Variants in ARMC9 observed in about 807,000 individuals in gnomAD.
The protein encoded by ARMC9 is lisH domain-containing protein ARMC9.
A neutral mutation model predicts 107.0 loss-of-function variants in ARMC9; 94 were observed. That is an observed-to-expected ratio of 0.88 (90% CI 0.74 to 1.04). The LOEUF (loss-of-function observed/expected upper bound fraction) is 1.04, where lower values mean the gene tolerates loss of function less well. ARMC9 is among the 50% of genes least tolerant of loss of function. The pLI, the probability that ARMC9 is intolerant of heterozygous loss-of-function variation, is 0.00. For synonymous variants in ARMC9, 380 were observed against 396.9 expected, an observed-to-expected ratio of 0.96 and a Z score of 0.51; for missense variants, 942 against 1,030.1, an observed-to-expected ratio of 0.91 and a Z score of 1.17.
intron 5 of ARMC9, among the ~76,000 whole-genome samples, chr2:231,220,336 G>C (rs62197333): frequency 0.31 from 47,743 of 151,718 alleles, 8,380 homozygotes; most frequent in African/African-American, 0.47. Context: ...GTGGCTTACA[G>C]CTCTAATCCT....
chr2:231,305,695 G>A (rs1054451112), intron 19 of ARMC9, among the ~76,000 whole-genome samples: 1 of 152,142 alleles, frequency 6.6e-6, no homozygotes, highest in Non-Finnish European at 1.5e-5. Flanking sequence ...TACCCTGCAA[G>A]GTTCTTTACT....
chr2:231,304,123 C>T (rs575146829), intron 19 of ARMC9, among the ~76,000 whole-genome samples: 17 of 151,750 alleles, frequency 1.1e-4, no homozygotes, highest in Non-Finnish European at 2.2e-4. Context: ...CCAGCTACTC[C>T]GGAGACAAAG....
intron 20 of ARMC9, among the ~76,000 whole-genome samples, chr2:231,333,667 G>A (rs1183498922): frequency 3.9e-5 from 6 of 152,140 alleles, no homozygotes; most frequent in Admixed American, 6.5e-5. Context: ...ACAGGCAGGC[G>A]GTGAGGAAAA....
At chr2:231,237,753 G>GTGTA (rs1553601875) in intron 8 of ARMC9, among the ~76,000 whole-genome samples, 5 of 24,428 alleles carry the variant, frequency 2.0e-4, no homozygotes, top group African/African-American at 4.1e-4. Context: ...TTGGCTATAT[G>GTGTA]TATATATATA....
At chr2:231,287,838 AT>A (rs2040712238) in intron 17 of ARMC9, among the ~76,000 whole-genome samples, 2 of 152,220 alleles carry the variant, frequency 1.3e-5, no homozygotes, top group Admixed American at 6.5e-5. Context: ...ATGAGCAAAG[AT>A]GTATGTATCA....
chr2:231,225,522 G>A (rs767784070), intron 6 of ARMC9, among the ~76,000 whole-genome samples: 10 of 152,148 alleles, frequency 6.6e-5, no homozygotes, highest in Non-Finnish European at 8.8e-5. Flanking sequence ...ATGGAATATC[G>A]TTTGATATCA....
intron 16 of ARMC9, among the ~76,000 whole-genome samples, chr2:231,280,963 A>G (rs2040173771): frequency 6.6e-6 from 1 of 152,204 alleles, no homozygotes; most frequent in South Asian, 2.1e-4. Flanking sequence ...TGAAAGTGCT[A>G]ATGAAGTCCA....
At chr2:231,265,875 G>T (rs2038812583) in intron 12 of ARMC9, among the ~76,000 whole-genome samples, 1 of 151,954 alleles carries the variant, frequency 6.6e-6, no homozygotes, top group South Asian at 2.1e-4. Flanking sequence ...ATGTATGGTG[G>T]TGTGCACCTG....
intron 7 of ARMC9, among the ~76,000 whole-genome samples, chr2:231,228,366 G>T (rs2125344334): frequency 6.6e-6 from 1 of 152,348 alleles, no homozygotes; most frequent in South Asian, 2.1e-4. Flanking sequence ...GTGCAGTCAG[G>T]CGGAGCGGCC....
At chr2:231,222,146 C>A (rs2034208150) in intron 5 of ARMC9, among the ~76,000 whole-genome samples, 1 of 152,070 alleles carries the variant, frequency 6.6e-6, no homozygotes, top group Admixed American at 6.6e-5. Context: ...TATGTTTTTT[C>A]TTATTTAAGT....
At chr2:231,331,185 TG>T (rs1264775837) in intron 19 of ARMC9, among the ~76,000 whole-genome samples, 1 of 152,146 alleles carries the variant, frequency 6.6e-6, no homozygotes, top group Non-Finnish European at 1.5e-5. Context: ...CTGTCATCCT[TG>T]GGTCTCAAGG....
chr2:231,350,539 T>G (rs1319757861), intron 21 of ARMC9, among the ~76,000 whole-genome samples: 1 of 151,178 alleles, frequency 6.6e-6, no homozygotes, highest in African/African-American at 2.4e-5. Context: ...GGAGCATTGC[T>G]TCAGTCCCAG....
rs2046171320 is a variant in ARMC9 at position 231,375,534 on chromosome 2, C to G, written c.*3999C>G. The stretch of plus-strand genomic sequence containing the variant: ...GTGGTATACCCTCTCCATTTAGATT[C>G]AATTGAACAAATATATTCTTTGGGG... On this transcript the variant is annotated 3_prime_UTR_variant, in exon 25 of 25. Transcript: ENST00000611582. The surrounding 1 kb of genome is among the most constrained non-coding windows in gnomAD (Gnocchi z 4.3). Among the ~76,000 whole-genome samples, 2 of 152,182 alleles carry G rather than the reference C, an allele frequency of 1.3e-5. No homozygotes were observed. The highest frequency in any genetic ancestry group is 2.9e-5 in the Non-Finnish European group (2 of 68,040).
chr2:231,222,655 A>G, intron 5 of ARMC9, 73 bp from the exon 6 acceptor site: 1 of 837,242 alleles, frequency 1.2e-6, no homozygotes, highest in Non-Finnish European at 1.9e-6. Context: ...TTTTAGCCTA[A>G]TGACCTCAAC....
At position 231,336,359 on chromosome 2, in the gene ARMC9, T is replaced by G. The variant is rs546084362; in HGVS notation, c.1878+4462T>G. On this transcript the variant is annotated intron_variant, in intron 20 of 24. Transcript: ENST00000611582. ...ATCCTCCCAGCAAACTTATGGGGCA[T>G]CTTCCACTAGTATCTGCATTTTATA... Among the ~76,000 whole-genome samples, 104 of 152,270 alleles carry G rather than the reference T, an allele frequency of 6.8e-4. 5 individuals are homozygous for G. The South Asian group carries it at 0.021, about 30-fold the overall frequency.
intron 3 of ARMC9, among the ~76,000 whole-genome samples, chr2:231,214,211 T>C (rs2125319962): frequency 6.6e-6 from 1 of 152,374 alleles, no homozygotes; most frequent in East Asian, 1.9e-4. Flanking sequence ...CAGCCTTCTC[T>C]GTCGCTGCAG....
At chr2:231,341,562 C>T (rs1337378707) in intron 20 of ARMC9, among the ~76,000 whole-genome samples, 1 of 149,192 alleles carries the variant, frequency 6.7e-6, no homozygotes, top group Non-Finnish European at 1.5e-5. Context: ...ATGTAGACTG[C>T]TAACAGTGTC....
In ARMC9 at chr2:231,374,554, TAAAATA is replaced by T. The variant is rs772295278; in HGVS notation, c.*3035_*3040del. On this transcript the variant is annotated 3_prime_UTR_variant, in exon 25 of 25. Coordinates refer to ENST00000611582, the MANE Select transcript of ARMC9 (RefSeq NM_001352754.2). ...ATCAAAAGAGCTAAAAAAAAAATAA[TAAAATA>T]AAAATAAAAATAAAATAGTTGAACA... 12 of 139,280 alleles carry T rather than the reference TAAAATA, an allele frequency of 8.6e-5. No homozygotes were observed. Among genetic ancestry groups the T allele is most frequent in the African/African-American group, 1.9e-4 (7 of 37,234 alleles). 8.6% of individuals were successfully genotyped at this position (139,280 alleles called of 1,614,324 possible).
chr2:231,334,327 G>A (rs1213387542), intron 20 of ARMC9, among the ~76,000 whole-genome samples: 6 of 152,208 alleles, frequency 3.9e-5, no homozygotes, highest in East Asian at 1.9e-4. Flanking sequence ...CAGCTCCCCC[G>A]AAGGACTCTA....
Sources: gnomAD v4.1 joint callset for allele counts (sites outside exome capture counted in the v4.1 genomes callset) on GRCh38, gnomAD v4.1.1 for gene constraint, Gnocchi (gnomAD v3.1) non-coding constraint, MANE v1.5 for transcripts, NCBI Gene and HGNC (gene_info 2026-07-23, HGNC 2026-07-21) for gene names.